CLNK: variants seen among roughly 807,000 people sequenced by gnomAD.
CLNK encodes the protein cytokine dependent hematopoietic cell linker.
CLNK carries 74 observed loss-of-function variants against 68.6 expected under a neutral mutation model. The observed-to-expected ratio is 1.08, with a 90% CI of 0.89 to 1.31. CLNK has a LOEUF of 1.31. CLNK is among the 50% of genes most tolerant of loss of function. The pLI is 0.00. For synonymous variants in CLNK, 198 were observed against 172.2 expected, an observed-to-expected ratio of 1.15 and a Z score of -1.17; for missense variants, 553 against 515.3, an observed-to-expected ratio of 1.07 and a Z score of -0.71.
At chr4:10,699,466 GTCTCTCTCTCTCTC>G in the CLNK span, among the ~76,000 whole-genome samples, 1 of 60,552 alleles carries the variant, frequency 1.7e-5, no homozygotes, top group Admixed American at 2.2e-4. Flanking sequence ...CATCCTCTCT[GTCTCTCTCTCTCTC>G]TCTCTCTCTC....
At chr4:10,494,884 C>A (rs1244790261) in intron 18 of CLNK, among the ~76,000 whole-genome samples, 1 of 152,148 alleles carries the variant, frequency 6.6e-6, no homozygotes, top group East Asian at 1.9e-4. Context: ...AGGGGGACAA[C>A]CAATGTTATG....
the CLNK span, among the ~76,000 whole-genome samples, chr4:10,716,389 T>C: frequency 6.6e-6 from 1 of 152,316 alleles, no homozygotes; most frequent in Admixed American, 6.5e-5. Flanking sequence ...ACAGAGTAGA[T>C]GTACTTTTAC....
At chr4:10,699,241 C>CACACCACGTATGTGTGT in the CLNK span, among the ~76,000 whole-genome samples, 1 of 51,586 alleles carries the variant, frequency 1.9e-5, no homozygotes, top group African/African-American at 8.2e-5. Flanking sequence ...TATACACACA[C>CACACCACGTATGTGTGT]ATACACACCA....
the CLNK span, among the ~76,000 whole-genome samples, chr4:10,707,221 A>G: frequency 9.9e-5 from 15 of 152,228 alleles, no homozygotes; most frequent in African/African-American, 3.6e-4. Flanking sequence ...CACTAACAAT[A>G]ACTGATGAGC....
chr4:10,532,679 A>C (rs1352871339), intron 11 of CLNK, among the ~76,000 whole-genome samples: 1 of 152,216 alleles, frequency 6.6e-6, no homozygotes, highest in African/African-American at 2.4e-5. Context: ...AGTTTTCAAT[A>C]TGAAGCTGTC....
At chr4:10,614,624 C>T (rs2108856409) in intron 2 of CLNK, among the ~76,000 whole-genome samples, 1 of 152,332 alleles carries the variant, frequency 6.6e-6, no homozygotes, top group South Asian at 2.1e-4. Context: ...ACCCCAGCCC[C>T]ACTGAACCGA....
intron 2 of CLNK, among the ~76,000 whole-genome samples, chr4:10,610,103 C>T (rs562870817): frequency 2.4e-5 from 3 of 123,742 alleles, no homozygotes; most frequent in African/African-American, 9.6e-5. Flanking sequence ...GTCGCCCAGG[C>T]GGGAGTGCTG....
intron 11 of CLNK, among the ~76,000 whole-genome samples, chr4:10,537,639 CTT>C (rs1560206772): frequency 7.2e-4 from 45 of 62,770 alleles, no homozygotes; most frequent in African/African-American, 2.2e-3. Context: ...CTTTCTTTCT[CTT>C]TCTTTCTTTC....
At chr4:10,699,494 C>CTCTCTATATATATATATA in the CLNK span, among the ~76,000 whole-genome samples, 13 of 56,978 alleles carry the variant, frequency 2.3e-4, no homozygotes, top group African/African-American at 1.1e-3. Flanking sequence ...CTCTCTCTCT[C>CTCTCTATATATATATATA]TATATATATA....
the CLNK span, among the ~76,000 whole-genome samples, chr4:10,725,313 T>G: frequency 0.012 from 1,794 of 152,312 alleles, 30 homozygotes; most frequent in Middle Eastern, 0.068. Flanking sequence ...ATCTTTGCAT[T>G]ATCATTTGTT....
At chr4:10,652,381 CAAAAAAAAAAAAAAA>C (rs67304153) in intron 2 of CLNK, among the ~76,000 whole-genome samples, 1 of 50,742 alleles carries the variant, frequency 2.0e-5, no homozygotes, top group Non-Finnish European at 3.4e-5. Context: ...GACTCTGTCT[CAAAAAAAAAAAAAAA>C]AAAAAAAGGA....
At chr4:10,716,467 T>C in the CLNK span, among the ~76,000 whole-genome samples, 1 of 152,082 alleles carries the variant, frequency 6.6e-6, no homozygotes, top group South Asian at 2.1e-4. Context: ...AAAGCTTAAT[T>C]GTGGGGAGAA....
At chr4:10,573,170 C>T (rs7667170) in intron 4 of CLNK, among the ~76,000 whole-genome samples, 147,318 of 152,284 alleles carry the variant, frequency 0.97, 71,448 homozygotes, top group East Asian at 1. Flanking sequence ...CTGAATTCCC[C>T]TATCTTACCA....
intron 17 of CLNK, among the ~76,000 whole-genome samples, chr4:10,504,565 T>C (rs1399049744): frequency 1.3e-5 from 2 of 152,136 alleles, no homozygotes; most frequent in African/African-American, 4.8e-5. Context: ...CAAACCAAAT[T>C]CTCACCCTTT....
At chr4:10,571,021 T>TA (rs1208417153) in intron 5 of CLNK, among the ~76,000 whole-genome samples, 1 of 152,176 alleles carries the variant, frequency 6.6e-6, no homozygotes, top group Non-Finnish European at 1.5e-5. Flanking sequence ...ATTATTGGGC[T>TA]AAAAATGGGT....
At chr4:10,554,693 G>T (rs1358806585) in intron 8 of CLNK, among the ~76,000 whole-genome samples, 2 of 152,170 alleles carry the variant, frequency 1.3e-5, no homozygotes, top group African/African-American at 4.8e-5. Flanking sequence ...AATGGTAGAA[G>T]AATAATATTA....
At chr4:10,531,187 G>T (rs184313601) in intron 12 of CLNK, among the ~76,000 whole-genome samples, 2 of 152,306 alleles carry the variant, frequency 1.3e-5, no homozygotes, top group African/African-American at 4.8e-5. Flanking sequence ...GAGGCCACTT[G>T]TGTTGTTGGA....
At chr4:10,607,064 C>T (rs1255841272) in intron 2 of CLNK, among the ~76,000 whole-genome samples, 2 of 152,172 alleles carry the variant, frequency 1.3e-5, no homozygotes, top group Non-Finnish European at 2.9e-5. Context: ...TATAGTTAGA[C>T]ATATCTTGGT....
chr4:10,597,356 T>C (rs893034840), intron 3 of CLNK, among the ~76,000 whole-genome samples: 1 of 152,176 alleles, frequency 6.6e-6, no homozygotes, highest in African/African-American at 2.4e-5. Flanking sequence ...CTGGGCAGTG[T>C]AGAGCTGGAT....
Sources: allele counts gnomAD v4.1 joint callset (sites outside exome capture counted in the v4.1 genomes callset), GRCh38; gene constraint gnomAD v4.1.1; transcripts MANE v1.5; gene names NCBI Gene and HGNC (gene_info 2026-07-23, HGNC 2026-07-21).